Variants in SMYD3 observed in about 807,000 individuals in gnomAD.
SMYD3 encodes the protein histone-lysine N-methyltransferase SMYD3.
SMYD3 carries 36 observed loss-of-function variants against 57.7 expected under a neutral mutation model. The ratio of observed to expected loss-of-function variants is 0.62; its 90% CI spans 0.48 to 0.82. The LOEUF is 0.82. Ranked by LOEUF, SMYD3 falls within the 40% of genes least tolerant of loss-of-function variation. The pLI is 0.00. For missense variants in SMYD3, 515 were observed against 538.8 expected (o/e 0.96, Z 0.44); for synonymous variants, 211 against 195.0 (o/e 1.08, Z -0.68).
At chr1:246,414,780 T>G (rs1441397270) in intron 1 of SMYD3, among the ~76,000 whole-genome samples, 1 of 144,086 alleles carries the variant, frequency 6.9e-6, no homozygotes, top group East Asian at 2.1e-4. Context: ...TGCAGTGGCA[T>G]GCTATCGGCT....
chr1:245,775,793 A>C (rs2046564415), intron 10 of SMYD3, among the ~76,000 whole-genome samples: 1 of 152,160 alleles, frequency 6.6e-6, no homozygotes, highest in South Asian at 2.1e-4. Context: ...TCTCTTAAAA[A>C]GGATAAAGAT....
intron 5 of SMYD3, among the ~76,000 whole-genome samples, chr1:246,166,834 C>T (rs1374038003): frequency 1.3e-5 from 2 of 152,184 alleles, no homozygotes; most frequent in Non-Finnish European, 2.9e-5. Flanking sequence ...AATTCAGTAA[C>T]ATTGAGTGCA....
At chr1:245,779,891 A>G (rs2046762085) in intron 10 of SMYD3, among the ~76,000 whole-genome samples, 1 of 152,234 alleles carries the variant, frequency 6.6e-6, no homozygotes, top group Non-Finnish European at 1.5e-5. Context: ...TTTCCAAAGA[A>G]GATACACAAA....
chr1:246,426,130 C>T (rs939395138), intron 1 of SMYD3: 1 of 152,060 alleles, frequency 6.6e-6, no homozygotes, highest in Non-Finnish European at 1.5e-5. Context: ...TTCCTTATAC[C>T]TTCTAACTCA....
intron 5 of SMYD3, among the ~76,000 whole-genome samples, chr1:246,094,773 C>A (rs2060884472): frequency 6.6e-6 from 1 of 152,142 alleles, no homozygotes; most frequent in South Asian, 2.1e-4. Flanking sequence ...TAATGTCCCT[C>A]CAGAAATACC....
intron 3 of SMYD3, among the ~76,000 whole-genome samples, chr1:246,333,286 C>T (rs2065489647): frequency 2.0e-5 from 3 of 151,602 alleles, no homozygotes; most frequent in Non-Finnish European, 4.4e-5. Context: ...ATAGCAAGAA[C>T]GAAGGAGCTG....
At chr1:245,909,348 G>C (rs763383964) in intron 8 of SMYD3, among the ~76,000 whole-genome samples, 2 of 152,132 alleles carry the variant, frequency 1.3e-5, no homozygotes, top group Non-Finnish European at 2.9e-5. Flanking sequence ...GGACCTGATG[G>C]CTTCACTGCT....
At chr1:246,156,939 T>G (rs1398198724) in intron 5 of SMYD3, among the ~76,000 whole-genome samples, 7 of 152,170 alleles carry the variant, frequency 4.6e-5, no homozygotes, top group Non-Finnish European at 1.0e-4. Context: ...AGGTGTCTGG[T>G]TTGGATAAAC....
At chr1:246,220,644 T>C (rs1387420946) in intron 5 of SMYD3, among the ~76,000 whole-genome samples, 2 of 152,136 alleles carry the variant, frequency 1.3e-5, no homozygotes, top group African/African-American at 4.8e-5. Context: ...GCAGGCAGGT[T>C]CCTGGGCGGA....
At chr1:246,254,933 C>T (rs1018150949) in intron 5 of SMYD3, among the ~76,000 whole-genome samples, 6 of 152,142 alleles carry the variant, frequency 3.9e-5, no homozygotes, top group African/African-American at 1.4e-4. Context: ...TCAGTTTGAA[C>T]GTTATTGGTG....
chr1:246,330,607 G>C, intron 3 of SMYD3, 70 bp from the exon 4 acceptor site: 5 of 1,319,400 alleles, frequency 3.8e-6, no homozygotes, highest in Non-Finnish European at 5.2e-6. Context: ...ATAAGTTTGA[G>C]TACCTTTGTA....
intron 5 of SMYD3, among the ~76,000 whole-genome samples, chr1:246,317,736 A>G (rs1452664275): frequency 1.3e-5 from 2 of 152,208 alleles, no homozygotes; most frequent in Admixed American, 6.5e-5. Context: ...TACATGATAT[A>G]TATAATTTTT....
rs529718357 is a variant in SMYD3 at position 246,087,359 on chromosome 1, A to G, written c.532-157422T>C. ...GAAGCCAAGACCGTTGACTTCCTTA[A>G]TCATCTCTAGAACCCTGGGTTCTAG... is the stretch of plus-strand genomic sequence containing the variant. On this transcript the variant is annotated intron_variant, in intron 5 of 11. Transcript: ENST00000490107. 2.0e-5 allele frequency among the ~76,000 whole-genome samples: 3 copies of G among 152,312 alleles called. No homozygotes were observed. In the South Asian group the frequency reaches 6.2e-4, roughly 32 times the overall value.
chr1:246,507,246 C>T lies in SMYD3; in HGVS notation c.-29G>A. 2.7e-6 allele frequency: 4 copies of T among 1,475,298 alleles called. No homozygotes were observed. Among genetic ancestry groups the T allele is most frequent in the Non-Finnish European group, 3.6e-6 (4 of 1,106,688 alleles). The allele number at this position is 1,475,298 out of a possible 1,614,324, so 91.4% of individuals were successfully genotyped here. ...CCCGCAGCTCCGGCACCTCAGACGG[C>T]TACCCGCGTCCAGCAGCGGGCGTCT... is the stretch of plus-strand genomic sequence containing the variant. On this transcript the variant is annotated 5_prime_UTR_variant, in exon 1 of 12. Coordinates refer to ENST00000490107, the MANE Select transcript of SMYD3 (RefSeq NM_001167740.2).
intron 5 of SMYD3, among the ~76,000 whole-genome samples, chr1:246,205,843 C>T (rs2062992021): frequency 6.6e-6 from 1 of 152,070 alleles, no homozygotes; most frequent in South Asian, 2.1e-4. Flanking sequence ...ACAACAACAA[C>T]AAGAGCAAAC....
At chr1:246,278,716 C>T (rs190354445) in intron 5 of SMYD3, among the ~76,000 whole-genome samples, 3 of 152,276 alleles carry the variant, frequency 2.0e-5, no homozygotes, top group Non-Finnish European at 2.9e-5. Flanking sequence ...CTTTATGAGA[C>T]CCTACATGGA....
At chr1:245,972,109 G>A (rs966055802) in intron 5 of SMYD3, among the ~76,000 whole-genome samples, 2 of 152,216 alleles carry the variant, frequency 1.3e-5, no homozygotes, top group African/African-American at 4.8e-5. Context: ...CATGCCCTAG[G>A]ATGTAAGTCC....
At chr1:245,805,109 G>C (rs2048088894) in intron 10 of SMYD3, among the ~76,000 whole-genome samples, 1 of 150,898 alleles carries the variant, frequency 6.6e-6, no homozygotes, top group Admixed American at 6.6e-5. Flanking sequence ...CAGATAAATT[G>C]TAAGAGCCTG....
chr1:245,782,891 G>A (rs2148145790), intron 10 of SMYD3, among the ~76,000 whole-genome samples: 1 of 152,324 alleles, frequency 6.6e-6, no homozygotes. Flanking sequence ...AACGCTATGA[G>A]GGTAAGACTG....
Sources: gnomAD v4.1 joint callset for allele counts (sites outside exome capture counted in the v4.1 genomes callset) on GRCh38, gnomAD v4.1.1 for gene constraint, MANE v1.5 for transcripts, NCBI Gene and HGNC (gene_info 2026-07-23, HGNC 2026-07-21) for gene names.